Variants in PSPC1 observed in about 807,000 individuals in gnomAD.
The protein encoded by PSPC1 is paraspeckle component 1, also known as paraspeckle protein 1.
Under a neutral mutation model 51.6 loss-of-function variants are expected in PSPC1, and 14 were observed. That is an observed-to-expected ratio of 0.27 (90% CI 0.18 to 0.42). PSPC1 has a LOEUF of 0.42. Ranked by LOEUF, PSPC1 falls within the 10% of genes least tolerant of loss-of-function variation. PSPC1 has a pLI of 1.00. For missense variants in PSPC1, 406 were observed against 701.1 expected (o/e 0.58, Z 4.75); for synonymous variants, 193 against 231.9 (o/e 0.83, Z 1.53).
chr13:19,721,276 T>C (rs1882736571), intron 6 of PSPC1, among the ~76,000 whole-genome samples: 1 of 152,134 alleles, frequency 6.6e-6, no homozygotes, highest in Non-Finnish European at 1.5e-5. Context: ...TAATTCAAAC[T>C]AATAATTAAA....
chr13:19,715,939 G>A (rs540977832), intron 6 of PSPC1, among the ~76,000 whole-genome samples: 12 of 152,150 alleles, frequency 7.9e-5, no homozygotes, highest in Admixed American at 2.6e-4. Flanking sequence ...GCATGAACCC[G>A]GGAGGCGGAG....
At chr13:19,672,048 GTATGCCGGAATC>G (rs1397427339), downstream of PSPC1, 3 of 640,630 alleles carry the variant, frequency 4.7e-6, no homozygotes, top group Admixed American at 5.3e-5. Context: ...GTCTGTGCCA[GTATGCCGGAATC>G]TCAGTGCAGT....
At chr13:19,736,421 A>G (rs145173572) in intron 5 of PSPC1, among the ~76,000 whole-genome samples, 3 of 152,054 alleles carry the variant, frequency 2.0e-5, no homozygotes, top group East Asian at 1.9e-4. Context: ...CAGTGGCTCA[A>G]GCCTGTAATC....
chr13:19,747,432 A>C (rs1886107997), intron 4 of PSPC1, among the ~76,000 whole-genome samples: 1 of 152,120 alleles, frequency 6.6e-6, no homozygotes, highest in Admixed American at 6.6e-5. Flanking sequence ...CCCAGGCTCA[A>C]GTGATCCTCC....
At chr13:19,764,935 G>A (rs1887924248) in intron 2 of PSPC1, among the ~76,000 whole-genome samples, 1 of 151,548 alleles carries the variant, frequency 6.6e-6, no homozygotes, top group African/African-American at 2.4e-5. Context: ...ATAGGGTTTT[G>A]CCATGTTGCC....
downstream of PSPC1, chr13:19,671,925 C>T: frequency 6.4e-7 from 1 of 1,570,884 alleles, no homozygotes; most frequent in Non-Finnish European, 8.8e-7. Flanking sequence ...TTCCTATACT[C>T]TCTTTGACAG....
chr13:19,722,948 A>T (rs1446539637), intron 6 of PSPC1, among the ~76,000 whole-genome samples: 6 of 151,946 alleles, frequency 3.9e-5, no homozygotes, highest in Non-Finnish European at 8.8e-5. Context: ...CATCTCTACT[A>T]AAAAATACAA....
intron 6 of PSPC1, among the ~76,000 whole-genome samples, chr13:19,685,018 A>T (rs1313640336): frequency 1.3e-5 from 2 of 152,262 alleles, no homozygotes; most frequent in African/African-American, 4.8e-5. Flanking sequence ...ACAAAACTTC[A>T]TTTATTGGTT....
At chr13:19,674,784 A>AGTT (rs1876447125) in exon 8 of PSPC1, 1 of 152,268 alleles carries the variant, frequency 6.6e-6, no homozygotes, top group Admixed American at 6.5e-5. Context: ...TATTTCATGC[A>AGTT]GTTAACATGC....
chr13:19,706,505 A>G (rs1880690133), intron 7 of PSPC1, among the ~76,000 whole-genome samples: 1 of 152,166 alleles, frequency 6.6e-6, no homozygotes, highest in South Asian at 2.1e-4. Flanking sequence ...ATATTAATAT[A>G]GCTATCTGGA....
intron 1 of PSPC1, among the ~76,000 whole-genome samples, chr13:19,773,833 T>G (rs1022514205): frequency 6.6e-6 from 1 of 152,052 alleles, no homozygotes; most frequent in African/African-American, 2.4e-5. Flanking sequence ...TTTAATTTTC[T>G]GTAGAGATGG....
At chr13:19,780,031 G>T (rs1373256393) in intron 1 of PSPC1, among the ~76,000 whole-genome samples, 5 of 129,546 alleles carry the variant, frequency 3.9e-5, no homozygotes, top group African/African-American at 5.8e-5. Flanking sequence ...CCCCCTGCCC[G>T]GCCAGCCGCC....
At chr13:19,698,008 C>G (rs1879449742), downstream of PSPC1, among the ~76,000 whole-genome samples, 1 of 151,956 alleles carries the variant, frequency 6.6e-6, no homozygotes. Context: ...TGAACAGGCA[C>G]AGGATTATAT....
chr13:19,772,661 A>G (rs1888726146), intron 1 of PSPC1, 118 bp from the exon 2 acceptor site: 1 of 904,844 alleles, frequency 1.1e-6, no homozygotes, highest in Non-Finnish European at 1.6e-6. Context: ...GGTCAATTTG[A>G]TTTTGTATCT....
At chr13:19,691,122 C>T (rs1565962196) in intron 6 of PSPC1, among the ~76,000 whole-genome samples, 1 of 152,240 alleles carries the variant, frequency 6.6e-6, no homozygotes, top group Non-Finnish European at 1.5e-5. Context: ...AAAAACTCTA[C>T]TCCTAAATCC....
intron 6 of PSPC1, among the ~76,000 whole-genome samples, chr13:19,723,849 C>T (rs373487066): frequency 2.0e-5 from 3 of 152,008 alleles, no homozygotes; most frequent in South Asian, 2.1e-4. Context: ...CATTAACAAC[C>T]GAAACTAGTC....
chr13:19,688,115 T>G (rs1878137614), intron 6 of PSPC1, among the ~76,000 whole-genome samples: 1 of 152,104 alleles, frequency 6.6e-6, no homozygotes, highest in Non-Finnish European at 1.5e-5. Flanking sequence ...TTGTTCTGAA[T>G]GGTCGTCTAA....
chr13:19,720,420 A>G (rs949337286), intron 6 of PSPC1, among the ~76,000 whole-genome samples: 2 of 152,228 alleles, frequency 1.3e-5, no homozygotes, highest in African/African-American at 4.8e-5. Context: ...TAGATGGCCA[A>G]CGTATGAGTT....
intron 5 of PSPC1, among the ~76,000 whole-genome samples, chr13:19,731,560 C>T (rs151170893): frequency 3.0e-3 from 461 of 152,232 alleles, no homozygotes; most frequent in African/African-American, 0.011. Context: ...ACTACGGGCA[C>T]GTGCCACTAT....
Sources: gnomAD v4.1 joint callset for allele counts (sites outside exome capture counted in the v4.1 genomes callset) on GRCh38, gnomAD v4.1.1 for gene constraint, MANE v1.5 for transcripts, NCBI Gene and HGNC (gene_info 2026-07-23, HGNC 2026-07-21) for gene names.